The following SMG5 variants were observed in gnomAD, a reference collection of about 807,000 sequenced individuals.
SMG5 encodes the protein nonsense-mediated mRNA decay factor SMG5.
SMG5 carries 53 observed loss-of-function variants against 122.9 expected under a neutral mutation model. The ratio of observed to expected loss-of-function variants is 0.43; its 90% CI spans 0.35 to 0.54. The LOEUF is 0.54. SMG5 is among the 20% of genes least tolerant of loss of function. The pLI, the probability that SMG5 is intolerant of heterozygous loss-of-function variation, is 0.01. For synonymous variants in SMG5, 477 were observed against 490.2 expected, an observed-to-expected ratio of 0.97 and a Z score of 0.35; for missense variants, 1,153 against 1,285.6, an observed-to-expected ratio of 0.90 and a Z score of 1.58.
chr1:156,267,808 G>C, intron 9 of SMG5, 130 bp from the exon 10 acceptor site: 1 of 821,752 alleles, frequency 1.2e-6, no homozygotes, highest in Non-Finnish European at 1.9e-6. Flanking sequence ...ACCAGGGAAG[G>C]GTAGTGCTGG....
At chr1:156,286,641 G>T (rs902595999), upstream of SMG5, among the ~76,000 whole-genome samples, 1 of 152,132 alleles carries the variant, frequency 6.6e-6, no homozygotes, top group Non-Finnish European at 1.5e-5. Flanking sequence ...ACCTCAGCTG[G>T]TCAGCAGATG....
rs10706859 is a variant in SMG5, at chr1:156,256,927, CTT to C, written c.2442+2076_2442+2077del. Among the ~76,000 whole-genome samples the C allele has an allele frequency of 5.3e-4, 73 of 138,722 alleles. 1 individual carries two copies. In the East Asian group the frequency reaches 7.5e-3, roughly 14 times the overall value. 91.0% of individuals were successfully genotyped at this position (138,722 alleles called of 152,430 possible). A position where few individuals can be genotyped will look rare whatever the true frequency, so the allele number is the denominator to read the frequency against. The stretch of plus-strand genomic sequence containing the variant: ...TCTTTCTACATTTTCTTTTCTTTTC[CTT>C]TTTTTTTTTTTTTTCCAGACAGAGT... On this transcript the variant is annotated intron_variant, in intron 16 of 21. Transcript: ENST00000361813.
chr1:156,265,873 C>T lies in SMG5; in HGVS notation c.1763G>A (p.Ser588Asn), dbSNP rs1572584865. The change falls in exon 12 of 22, where the codon AGC (serine) becomes AAC (asparagine). Residue 588 changes from serine to asparagine, a missense_variant. This residue lies in a region of SMG5 where 631 missense variants were observed against 650.6 expected (regional missense o/e 0.97). Transcript: ENST00000361813. The stretch of plus-strand genomic sequence containing the variant: ...GGTGGTGGGCTGGAGGAGCAGGTTG[C>T]TAAAGGTGGGGGCCAGTCGGAAGCA... Reference protein sequence around the residue: ...KRCFRLAPTFSNLLLQPTTNP... With the variant: ...KRCFRLAPTFNNLLLQPTTNP... The T allele has an allele frequency of 1.2e-6, 2 of 1,614,002 alleles. No individual in the cohort carries two copies. Among genetic ancestry groups the T allele is most frequent in the African/African-American group, 2.7e-5 (2 of 74,892 alleles).
At chr1:156,273,569 C>T (rs1662536729) in intron 5 of SMG5, 119 bp from the exon 6 acceptor site, 2 of 931,546 alleles carry the variant, frequency 2.1e-6, no homozygotes, top group Admixed American at 2.2e-5. Flanking sequence ...GGTACCTGAG[C>T]TAGGAAGCAG....
intron 10 of SMG5, 120 bp from the exon 11 acceptor site, chr1:156,266,798 ATTC>A: frequency 1.9e-6 from 2 of 1,036,692 alleles, no homozygotes; most frequent in African/African-American, 1.7e-5. Flanking sequence ...CTTATCAAAG[ATTC>A]TTTTTTTTTT....
At chr1:156,252,771 T>C in intron 18 of SMG5, 148 bp downstream of exon 18, 1 of 877,066 alleles carries the variant, frequency 1.1e-6, no homozygotes, top group South Asian at 1.9e-5. Flanking sequence ...TTATGTCCAT[T>C]TCACAGATGA....
At chr1:156,272,615 C>T (rs1662487218) in intron 6 of SMG5, among the ~76,000 whole-genome samples, 1 of 151,996 alleles carries the variant, frequency 6.6e-6, no homozygotes, top group African/African-American at 2.4e-5. Context: ...CTCTGTCGCC[C>T]AGGCTGGAGT....
intron 16 of SMG5, among the ~76,000 whole-genome samples, chr1:156,256,524 GT>G (rs1035978599): frequency 3.3e-5 from 5 of 151,994 alleles, no homozygotes; most frequent in African/African-American, 1.2e-4. Flanking sequence ...GACTAAAATG[GT>G]AATTGTGAAA....
chr1:156,268,476 G>A, intron 7 of SMG5, 61 bp from the exon 8 acceptor site: 1 of 1,586,738 alleles, frequency 6.3e-7, no homozygotes. Flanking sequence ...TACTCTGCTG[G>A]GGCTTTAGGA....
intron 16 of SMG5, among the ~76,000 whole-genome samples, chr1:156,258,571 G>A (rs1661678182): frequency 6.6e-6 from 1 of 152,222 alleles, no homozygotes; most frequent in Non-Finnish European, 1.5e-5. Context: ...GCCAAGGCAG[G>A]TGGATCACAA....
At chr1:156,277,671 T>A (rs1298103285) in intron 3 of SMG5, among the ~76,000 whole-genome samples, 1 of 151,734 alleles carries the variant, frequency 6.6e-6, no homozygotes, top group Admixed American at 6.6e-5. Context: ...CACCACCACG[T>A]CCAGCTAATT....
Position 156,266,094 on chromosome 1 carries a change from C to T in SMG5, c.1542G>A (p.Ser514=), listed in dbSNP as rs550523368. The change falls in exon 12 of 22, where the codon TCG becomes TCA. Residue 514 remains serine (S), a synonymous_variant. Coordinates refer to ENST00000361813, the MANE Select transcript of SMG5 (RefSeq NM_015327.3). ...ATCGGGACTCCTGGCTATTCATTTCCGAGTCTGTTTCAGCATCAAAGGCCG... is the reference window on the plus strand; with the variant it reads ...ATCGGGACTCCTGGCTATTCATTTCTGAGTCTGTTTCAGCATCAAAGGCCG... ...GGTAFDAETD[S]EMNSQESRSD... 5.6e-6 allele frequency: 9 copies of T among 1,614,146 alleles called. No homozygotes were observed. Among genetic ancestry groups the T allele is most frequent in the Middle Eastern group, 1.6e-4 (1 of 6,062 alleles).
chr1:156,266,798 ATTCT>A (rs1176721302), intron 10 of SMG5, 120 bp from the exon 11 acceptor site: 19 of 1,036,622 alleles, frequency 1.8e-5, no homozygotes, highest in Non-Finnish European at 2.4e-5. Flanking sequence ...CTTATCAAAG[ATTCT>A]TTTTTTTTTT....
chr1:156,288,528 G>A, the SMG5 span, among the ~76,000 whole-genome samples: 1 of 151,824 alleles, frequency 6.6e-6, no homozygotes, highest in Non-Finnish European at 1.5e-5. Context: ...AGTAGAGACA[G>A]GGTTTCAACA....
At chr1:156,253,302 A>C (rs1661435244) in intron 17 of SMG5, 147 bp downstream of exon 17, 1 of 914,080 alleles carries the variant, frequency 1.1e-6, no homozygotes, top group African/African-American at 1.6e-5. Context: ...GTGAAGAGTG[A>C]GTAGTAAGGA....
Position 156,251,403 on chromosome 1 carries a change from C to T in SMG5, c.2828G>A (p.Trp943Ter). Residue 943 changes from tryptophan (W) to a stop codon, truncating the protein, a stop_gained and splice_region_variant, in exon 20 of 22, where the codon TGG becomes TAG. Transcript: ENST00000361813. LOFTEE classifies it high-confidence loss of function. Reference protein sequence around the residue: ...HKLKRQDADAWTLYKILDSCK... With the variant: ...HKLKRQDADA The stretch of plus-strand genomic sequence containing the variant: ...CTAGGGGTGAGGGCTAAAATGTTAC[C>T]AGGCATCTGCATCCTGCCTCTTCAG... 2 of 1,614,160 alleles carry T rather than the reference C, an allele frequency of 1.2e-6. No homozygotes were observed. Among genetic ancestry groups the T allele is most frequent in the Non-Finnish European group, 1.7e-6 (2 of 1,179,996 alleles).
chr1:156,265,748 G>T, intron 12 of SMG5, 33 bp downstream of exon 12: 1 of 1,597,540 alleles, frequency 6.3e-7, no homozygotes, highest in South Asian at 1.1e-5. Flanking sequence ...TGGAGGTGCG[G>T]ACCAGAACAG....
intron 1 of SMG5, among the ~76,000 whole-genome samples, chr1:156,280,430 C>T (rs1662886656): frequency 6.6e-6 from 1 of 152,208 alleles, no homozygotes; most frequent in African/African-American, 2.4e-5. Flanking sequence ...ACTGCCAGCA[C>T]CCAGCAGAGT....
rs1400122536 is a variant in SMG5 at position 156,249,658 on chromosome 1, G to A, written c.*929C>T. On this transcript the variant is annotated 3_prime_UTR_variant, in exon 22 of 22. Coordinates refer to ENST00000361813, the MANE Select transcript of SMG5 (RefSeq NM_015327.3). ...GGGCCTCTGACTGAGCAGCTTCAAG[G>A]AGCCTCTCCTTTCTGCTGCCCACTG... 1.6e-5 allele frequency: 7 copies of A among 444,756 alleles called. No individual in the cohort carries two copies. The highest frequency in any genetic ancestry group is 2.8e-5 in the Non-Finnish European group (6 of 214,086). The allele number at this position is 444,756 out of a possible 1,614,324, so 27.6% of individuals were successfully genotyped here. A position where few individuals can be genotyped will look rare whatever the true frequency, so the allele number is the denominator to read the frequency against.
Sources: allele counts gnomAD v4.1 joint callset (sites outside exome capture counted in the v4.1 genomes callset), GRCh38; gene constraint gnomAD v4.1.1; regional missense constraint gnomAD v4.1.1; transcripts MANE v1.5; gene names NCBI Gene and HGNC (gene_info 2026-07-23, HGNC 2026-07-21).